The following SESN1 variants were observed in gnomAD, a reference collection of about 807,000 sequenced individuals.
The protein encoded by SESN1 is sestrin-1.
A neutral mutation model predicts 59.3 loss-of-function variants in SESN1; 30 were observed. The ratio of observed to expected loss-of-function variants is 0.51; its 90% CI spans 0.38 to 0.69. The LOEUF (loss-of-function observed/expected upper bound fraction) is 0.69. SESN1 is among the 30% of genes least tolerant of loss of function. The probability of loss-of-function intolerance (pLI) is 0.00; values close to 1 mark genes in which losing one functional copy is unlikely to be tolerated. For missense variants in SESN1, 566 were observed against 673.0 expected (o/e 0.84, Z 1.76); for synonymous variants, 197 against 219.9 (o/e 0.90, Z 0.92).
At chr6:109,048,979 C>G (rs1780497776) in intron 1 of SESN1, among the ~76,000 whole-genome samples, 2 of 152,166 alleles carry the variant, frequency 1.3e-5, no homozygotes. Flanking sequence ...CTCTCTAGGA[C>G]TTAGTGTCTT....
At chr6:109,040,153 C>T (rs1243950805) in intron 1 of SESN1, among the ~76,000 whole-genome samples, 1 of 152,144 alleles carries the variant, frequency 6.6e-6, no homozygotes, top group Non-Finnish European at 1.5e-5. Context: ...TGCTAGTCTT[C>T]AACTACAGAA....
intron 1 of SESN1, among the ~76,000 whole-genome samples, chr6:109,075,856 C>T (rs936780150): frequency 3.9e-5 from 6 of 152,186 alleles, no homozygotes; most frequent in South Asian, 4.1e-4. Flanking sequence ...AGCTCCTCAA[C>T]ACCCCCTCCC....
chr6:109,027,833 G>A (rs573809114), intron 1 of SESN1, among the ~76,000 whole-genome samples: 5 of 152,062 alleles, frequency 3.3e-5, no homozygotes, highest in Non-Finnish European at 7.4e-5. Flanking sequence ...TACTGAACAT[G>A]TTTTAATGTG....
chr6:108,987,806 CT>C (rs3029194), intron 9 of SESN1, among the ~76,000 whole-genome samples, 176 bp from the exon 10 acceptor site: 287 of 135,472 alleles, frequency 2.1e-3, no homozygotes, highest in Admixed American at 2.4e-3. Context: ...CAGCAGCTAT[CT>C]TTTTTTTTTT....
chr6:109,066,192 A>T (rs1437700363), intron 1 of SESN1, among the ~76,000 whole-genome samples: 1 of 152,168 alleles, frequency 6.6e-6, no homozygotes, highest in Non-Finnish European at 1.5e-5. Context: ...CTAAAACAAA[A>T]ATACACAAAT....
At chr6:109,064,226 C>A (rs1780778462) in intron 1 of SESN1, among the ~76,000 whole-genome samples, 1 of 151,962 alleles carries the variant, frequency 6.6e-6, no homozygotes, top group South Asian at 2.1e-4. Flanking sequence ...TCATTCAAAT[C>A]CTCAAACAGC....
intron 1 of SESN1, among the ~76,000 whole-genome samples, chr6:109,053,396 C>A (rs925550125): frequency 6.6e-6 from 1 of 152,084 alleles, no homozygotes; most frequent in Non-Finnish European, 1.5e-5. Flanking sequence ...GCATAACTGA[C>A]AATTATACTA....
At chr6:109,056,589 GTC>G (rs1264330802) in intron 1 of SESN1, among the ~76,000 whole-genome samples, 9 of 152,166 alleles carry the variant, frequency 5.9e-5, no homozygotes, top group African/African-American at 2.2e-4. Flanking sequence ...CCTTCTGCCT[GTC>G]TCTACTACAG....
At position 108,998,685 on chromosome 6, in the gene SESN1, T is replaced by C. The variant is rs1779551052; in HGVS notation, c.800A>G (p.His267Arg). 1.9e-6 allele frequency: 3 copies of C among 1,613,836 alleles called. No homozygotes were observed. Among genetic ancestry groups the C allele is most frequent in the African/African-American group, 1.3e-5 (1 of 75,016 alleles). ...TGTGAATGAGGCAAGAGAATGATAGTGTGTGAGTAAAACTACTGCATGTAC... is the reference window on the plus strand; with the variant it reads ...TGTGAATGAGGCAAGAGAATGATAGCGTGTGAGTAAAACTACTGCATGTAC... ...ELVHAVVLLT[H>R]YHSLASFTFG... Residue 267 changes from histidine (H) to arginine (R), a missense_variant, in exon 5 of 10, where the codon CAC (histidine) becomes CGC (arginine). Physicochemically the swap from His to Arg is conservative, Grantham distance 29 (BLOSUM62 0). Transcript: ENST00000436639.
At chr6:109,049,517 T>C (rs1262470447) in intron 1 of SESN1, among the ~76,000 whole-genome samples, 2 of 152,036 alleles carry the variant, frequency 1.3e-5, no homozygotes, top group African/African-American at 4.8e-5. Flanking sequence ...TTCAAACAGC[T>C]AGAAGAGAGG....
intron 1 of SESN1, among the ~76,000 whole-genome samples, chr6:109,028,096 C>T (rs1780123604): frequency 6.6e-6 from 1 of 151,918 alleles, no homozygotes; most frequent in Non-Finnish European, 1.5e-5. Flanking sequence ...TTTAATGTCT[C>T]ATGCTTGTAT....
At chr6:109,021,078 C>G (rs952183217) in intron 1 of SESN1, among the ~76,000 whole-genome samples, 1 of 152,100 alleles carries the variant, frequency 6.6e-6, no homozygotes, top group East Asian at 1.9e-4. Context: ...ACAGCAGCCT[C>G]GAACTCTTGG....
At chr6:109,070,846 A>G (rs901693722) in intron 1 of SESN1, among the ~76,000 whole-genome samples, 3 of 152,200 alleles carry the variant, frequency 2.0e-5, no homozygotes, top group African/African-American at 7.2e-5. Context: ...GTGAGGCTTG[A>G]GATTCTGCAT....
At chr6:109,055,187 G>C (rs1043267422) in intron 1 of SESN1, among the ~76,000 whole-genome samples, 4 of 152,132 alleles carry the variant, frequency 2.6e-5, no homozygotes, top group Non-Finnish European at 5.9e-5. Flanking sequence ...AAGAGGAAAG[G>C]GAGGGTAGGA....
At chr6:108,999,419 A>G (rs947241178) in intron 4 of SESN1, among the ~76,000 whole-genome samples, 1 of 152,192 alleles carries the variant, frequency 6.6e-6, no homozygotes, top group Admixed American at 6.5e-5. Flanking sequence ...TATGAAATAG[A>G]TAAGACCAAA....
Position 109,048,514 on chromosome 6 carries a change from A to G in SESN1, c.279+45281T>C, listed in dbSNP as rs563088114. ...TCTAGCCTCTCTGTTTAACACAACC[A>G]GGTTTATTAGAACAGATAGAAGGGC... On this transcript the variant is annotated intron_variant, in intron 1 of 9. Transcript: ENST00000436639. Among the ~76,000 whole-genome samples, 3 of 152,340 alleles carry G rather than the reference A, an allele frequency of 2.0e-5. No individual in the cohort carries two copies. The South Asian group carries it at 6.2e-4, about 32-fold the overall frequency.
intron 1 of SESN1, among the ~76,000 whole-genome samples, chr6:109,083,140 C>G (rs945888031): frequency 6.6e-6 from 1 of 152,134 alleles, no homozygotes; most frequent in East Asian, 1.9e-4. Flanking sequence ...TTTTTAGAAC[C>G]ATACCACAAG....
At chr6:109,011,277 G>A (rs551732590) in intron 1 of SESN1, among the ~76,000 whole-genome samples, 120 of 152,314 alleles carry the variant, frequency 7.9e-4, no homozygotes, top group South Asian at 1.7e-3. Flanking sequence ...AATATTTATT[G>A]AAGAAATATT....
chr6:109,012,355 A>G (rs1779873245), intron 1 of SESN1, among the ~76,000 whole-genome samples: 1 of 152,070 alleles, frequency 6.6e-6, no homozygotes, highest in Non-Finnish European at 1.5e-5. Flanking sequence ...AGTAATAGTA[A>G]TTCTGAAATA....
Sources: gnomAD v4.1 joint callset for allele counts (sites outside exome capture counted in the v4.1 genomes callset) on GRCh38, gnomAD v4.1.1 for gene constraint, MANE v1.5 for transcripts, NCBI Gene and HGNC (gene_info 2026-07-23, HGNC 2026-07-21) for gene names.